The following PIAS2 variants were observed in gnomAD, a reference collection of about 807,000 sequenced individuals.
The protein encoded by PIAS2 is protein inhibitor of activated STAT 2.
Under a neutral mutation model 69.7 loss-of-function variants are expected in PIAS2, and 19 were observed. That is an observed-to-expected ratio of 0.27 (90% confidence interval 0.19 to 0.40). PIAS2 has a LOEUF of 0.40. Ranked by LOEUF, PIAS2 falls within the 10% of genes least tolerant of loss-of-function variation. PIAS2 has a pLI of 1.00. For missense variants in PIAS2, 624 were observed against 757.0 expected, an observed-to-expected ratio of 0.82 and a Z score of 2.06; for synonymous variants, 261 against 263.2, an observed-to-expected ratio of 0.99 and a Z score of 0.08.
At chr18:46,886,417 T>C (rs957656544) in intron 2 of PIAS2, among the ~76,000 whole-genome samples, 1 of 152,150 alleles carries the variant, frequency 6.6e-6, no homozygotes, top group African/African-American at 2.4e-5. Flanking sequence ...AATGCCATGA[T>C]AAAGGAGGAA....
At chr18:46,907,562 T>C (rs115379109) in intron 1 of PIAS2, 1 of 152,182 alleles carries the variant, frequency 6.6e-6, no homozygotes, top group Non-Finnish European at 1.5e-5. Context: ...CAGTTGACCT[T>C]TGAATAACAA....
chr18:46,864,337 T>G (rs778501210), intron 2 of PIAS2, 89 bp from the exon 3 acceptor site: 22 of 781,816 alleles, frequency 2.8e-5, no homozygotes, highest in Non-Finnish European at 4.3e-5. Flanking sequence ...TTTTATAAAG[T>G]ACCTGCCAAA....
intron 5 of PIAS2, among the ~76,000 whole-genome samples, chr18:46,848,374 A>G (rs1236648836): frequency 2.0e-5 from 3 of 152,246 alleles, no homozygotes; most frequent in Non-Finnish European, 2.9e-5. Flanking sequence ...CAGGGAGTAC[A>G]GCTAACCAGT....
At chr18:46,917,565 C>T (rs1369125530), upstream of PIAS2, 19 of 1,100,996 alleles carry the variant, frequency 1.7e-5, no homozygotes, top group East Asian at 1.1e-4. Flanking sequence ...GCGGTGCCCC[C>T]TGCCCACCCG....
chr18:46,849,758 A>C (rs1192793003), intron 5 of PIAS2, among the ~76,000 whole-genome samples: 1 of 152,216 alleles, frequency 6.6e-6, no homozygotes, highest in Non-Finnish European at 1.5e-5. Context: ...ATACACAAGA[A>C]AGGAACAAAT....
chr18:46,870,442 C>T (rs557520483), intron 2 of PIAS2, among the ~76,000 whole-genome samples: 2 of 151,916 alleles, frequency 1.3e-5, no homozygotes, highest in African/African-American at 2.4e-5. Context: ...GGTGAAACCC[C>T]GTCTCTACTA....
At position 46,862,466 on chromosome 18, in the gene PIAS2, C is replaced by T. The variant is rs74525924; in HGVS notation, c.584+1698G>A. Among the ~76,000 whole-genome samples the T allele has an allele frequency of 6.6e-3, 1,004 of 152,238 alleles. 8 individuals carry two copies. Among genetic ancestry groups the T allele is most frequent in the African/African-American group, 0.023 (967 of 41,512 alleles). On this transcript the variant is annotated intron_variant, in intron 3 of 13. Transcript: ENST00000585916. ...ATATCTGAAAAGGAAGTAAACACCT[C>T]TAATTTACTCAATTCCTTGCTCTGC... is the stretch of plus-strand genomic sequence containing the variant.
At chr18:46,883,120 AAG>A (rs1014204028) in intron 2 of PIAS2, among the ~76,000 whole-genome samples, 2 of 152,088 alleles carry the variant, frequency 1.3e-5, no homozygotes, top group South Asian at 4.2e-4. Context: ...AAAAAACAAA[AAG>A]AGAGAAGAGA....
chr18:46,917,461 C>T lies in PIAS2; in HGVS notation c.-116G>A. 1.1e-5 allele frequency: 14 copies of T among 1,219,948 alleles called. No individual in the cohort carries two copies. Among genetic ancestry groups the T allele is most frequent in the East Asian group, 7.1e-5 (2 of 28,344 alleles). The allele number at this position is 1,219,948 out of a possible 1,614,324, so 75.6% of individuals were successfully genotyped here. On this transcript the variant is annotated 5_prime_UTR_variant, in exon 1 of 14. Coordinates refer to ENST00000585916, the MANE Select transcript of PIAS2 (RefSeq NM_004671.5). ...TCCAGCACCATCCTGCACTGGGCGC[C>T]GCTTAAGACGCCGCGGCCGCCGCCG...
upstream of PIAS2, chr18:46,917,569 C>T (rs2058132667): frequency 9.1e-7 from 1 of 1,093,646 alleles, no homozygotes; most frequent in African/African-American, 1.7e-5. Context: ...TGCCCCCTGC[C>T]CACCCGCGCG....
intron 12 of PIAS2, chr18:46,817,977 G>A (rs940392042): frequency 2.4e-5 from 24 of 985,182 alleles, no homozygotes; most frequent in African/African-American, 1.4e-4. Flanking sequence ...CAACTGCAGC[G>A]TGTCATACTG....
At chr18:46,813,707 A>G (rs1438325597) in intron 13 of PIAS2, among the ~76,000 whole-genome samples, 3 of 152,200 alleles carry the variant, frequency 2.0e-5, no homozygotes. Flanking sequence ...CAACAGTCCC[A>G]GGTTTAAGTT....
At chr18:46,893,886 G>A (rs1435279223) in intron 1 of PIAS2, among the ~76,000 whole-genome samples, 2 of 152,142 alleles carry the variant, frequency 1.3e-5, no homozygotes, top group African/African-American at 4.8e-5. Flanking sequence ...CAGCACTCTG[G>A]GAGGCAAGGC....
At chr18:46,878,969 G>GT (rs1186859548) in intron 2 of PIAS2, among the ~76,000 whole-genome samples, 1 of 152,214 alleles carries the variant, frequency 6.6e-6, no homozygotes, top group African/African-American at 2.4e-5. Context: ...AAACCAAGAG[G>GT]TTTTTTAGGG....
At chr18:46,845,720 C>A (rs1009854256) in intron 6 of PIAS2, among the ~76,000 whole-genome samples, 1 of 151,718 alleles carries the variant, frequency 6.6e-6, no homozygotes, top group Admixed American at 6.6e-5. Context: ...AGCTGCCAAA[C>A]CAAGTATTTT....
In PIAS2 at chr18:46,811,805, TA is replaced by T. The variant is rs1187128273; in HGVS notation, c.*627del. 6.6e-6 allele frequency: 1 copy of T among 152,174 alleles called. No individual in the cohort carries two copies. Among genetic ancestry groups the T allele is most frequent in the African/African-American group, 2.4e-5 (1 of 41,436 alleles). 9.4% of individuals were successfully genotyped at this position (152,174 alleles called of 1,614,324 possible). A position where few individuals can be genotyped will look rare whatever the true frequency, so the allele number is the denominator to read the frequency against. On this transcript the variant is annotated 3_prime_UTR_variant, in exon 14 of 14. Coordinates refer to ENST00000585916, the MANE Select transcript of PIAS2 (RefSeq NM_004671.5). ...GCAAACAACGTCAAAGTGTAAATGA[TA>T]AGCAGGAAAAAAACCAAGTAACACG...
intron 1 of PIAS2, chr18:46,907,421 C>A (rs1030959933): frequency 6.6e-6 from 1 of 152,110 alleles, no homozygotes; most frequent in Non-Finnish European, 1.5e-5. Flanking sequence ...TATGGAGCAA[C>A]TGGAACTCTA....
chr18:46,888,235 T>G (rs760429754), intron 2 of PIAS2, among the ~76,000 whole-genome samples: 20 of 152,102 alleles, frequency 1.3e-4, no homozygotes, highest in Non-Finnish European at 2.4e-4. Context: ...CTCATGTTCA[T>G]GTACTGGAAG....
chr18:46,810,857 T>C lies in PIAS2; in HGVS notation c.*1576A>G, dbSNP rs2040952835. 1 of 152,110 alleles carries C rather than the reference T, an allele frequency of 6.6e-6. No homozygotes were observed. Among genetic ancestry groups the C allele is most frequent in the Admixed American group, 6.5e-5 (1 of 15,268 alleles). The allele number at this position is 152,110 out of a possible 1,614,324, so 9.4% of individuals were successfully genotyped here. ...TGAGTCCACACCTGGGCACTTCAGT[T>C]TGAGAAATCAATTGGTTGGACTGGC... On this transcript the variant is annotated 3_prime_UTR_variant, in exon 14 of 14. Coordinates refer to ENST00000585916, the MANE Select transcript of PIAS2 (RefSeq NM_004671.5).
Sources: allele counts gnomAD v4.1 joint callset (sites outside exome capture counted in the v4.1 genomes callset), GRCh38; gene constraint gnomAD v4.1.1; transcripts MANE v1.5; gene names NCBI Gene and HGNC (gene_info 2026-07-23, HGNC 2026-07-21).